The following SLC25A47 variants were observed in gnomAD, a reference collection of about 807,000 sequenced individuals.
The protein encoded by SLC25A47 is HCC-down-regulated mitochondrial carrier protein.
A neutral mutation model predicts 29.8 loss-of-function variants in SLC25A47; 30 were observed. The observed-to-expected ratio is 1.01, with a 90% confidence interval of 0.75 to 1.36. SLC25A47 has a LOEUF of 1.36. Ranked by LOEUF, SLC25A47 falls within the 40% of genes most tolerant of loss-of-function variation. The pLI, the probability that SLC25A47 is intolerant of heterozygous loss-of-function variation, is 0.00. For synonymous variants in SLC25A47, 204 were observed against 197.8 expected (o/e 1.03, Z -0.26); for missense variants, 430 against 441.9 (o/e 0.97, Z 0.24).
chr14:100,325,750 C>G (rs1893326617), intron 1 of SLC25A47, 38 bp from the exon 2 acceptor site: 1 of 1,605,646 alleles, frequency 6.2e-7, no homozygotes, highest in Middle Eastern at 1.7e-4. Context: ...GCTCGCCGGC[C>G]CCACTCTCCT....
At chr14:100,327,774 GCATGGAGCACCTGCGGTGC>G (rs1893368346) in intron 4 of SLC25A47, among the ~76,000 whole-genome samples, 1 of 152,230 alleles carries the variant, frequency 6.6e-6, no homozygotes, top group Admixed American at 6.5e-5. Flanking sequence ...CCTCAACTGT[GCATGGAGCACCTGCGGTGC>G]CCGCCTGCCC....
chr14:100,328,687 G>T (rs1170931144), intron 4 of SLC25A47, 39 bp from the exon 5 acceptor site: 1 of 1,601,320 alleles, frequency 6.2e-7, no homozygotes, highest in Non-Finnish European at 8.5e-7. Flanking sequence ...TGTGGGCAGA[G>T]CCACAGGTGG....
chr14:100,326,335 C>A, intron 3 of SLC25A47, 107 bp downstream of exon 3: 1 of 958,160 alleles, frequency 1.0e-6, no homozygotes, highest in South Asian at 1.4e-5. Flanking sequence ...TCAGCTCTCT[C>A]ACCTTCCACA....
intron 4 of SLC25A47, among the ~76,000 whole-genome samples, chr14:100,328,112 A>ATTT (rs33989395): frequency 0.016 from 2,202 of 140,870 alleles, 68 homozygotes; most frequent in African/African-American, 0.053. Flanking sequence ...ATGTCTAGTG[A>ATTT]TTTTTTTTTT....
At chr14:100,323,916 G>A (rs1020274977) in intron 1 of SLC25A47, among the ~76,000 whole-genome samples, 2 of 152,166 alleles carry the variant, frequency 1.3e-5, no homozygotes, top group African/African-American at 2.4e-5. Context: ...GCCCTGCTGG[G>A]TGTGTGCACC....
In SLC25A47 at chr14:100,326,184, A is replaced by G. The variant is rs146337643; in HGVS notation, c.100A>G (p.Thr34Ala). The G allele has an allele frequency of 3.2e-5, 52 of 1,613,622 alleles. No homozygotes were observed. Among genetic ancestry groups the G allele is most frequent in the Admixed American group, 1.7e-5 (1 of 59,974 alleles). ...CAGGATCCAGACGGAGCCAAAGTAC[A>G]CAGGCATCTGGCACTGCGTCCGGGA... ...KVRIQTEPKY[T>A]GIWHCVRDTY... The change falls in exon 3 of 6, where the codon ACA (threonine) becomes GCA (alanine). Residue 34 changes from threonine to alanine, a missense_variant. Coordinates refer to ENST00000361529, the MANE Select transcript of SLC25A47 (RefSeq NM_207117.4).
chr14:100,327,239 G>A lies in SLC25A47; in HGVS notation c.196G>A (p.Val66Ile). ...GCTGCCCGTGTGCACGGTGTCCCTG[G>A]TATCTTCCGTGTCTTTTGGCACCTA... Reference protein sequence around the residue: ...LSLPVCTVSLVSSVSFGTYRH... With the variant: ...LSLPVCTVSLISSVSFGTYRH... The change falls in exon 4 of 6, where the codon GTA (valine) becomes ATA (isoleucine). Residue 66 changes from valine (V) to isoleucine (I), a missense_variant. Transcript: ENST00000361529. 6.2e-7 allele frequency: 1 copy of A among 1,609,510 alleles called. No individual in the cohort carries two copies. The highest frequency in any genetic ancestry group is 8.5e-7 in the Non-Finnish European group (1 of 1,179,932).
rs749277097 is a variant in SLC25A47, at chr14:100,327,229, G to A, written c.186G>A (p.Thr62=). The change falls in exon 4 of 6, where the codon ACG becomes ACA. Residue 62 remains threonine (T), a synonymous_variant. Coordinates refer to ENST00000361529, the MANE Select transcript of SLC25A47 (RefSeq NM_207117.4). The part of the protein sequence containing the change: ...FYRGLSLPVC[T]VSLVSSVSFG... ...GGGGCCTCTCGCTGCCCGTGTGCAC[G>A]GTGTCCCTGGTATCTTCCGTGTCTT... The A allele has an allele frequency of 2.1e-5, 34 of 1,609,608 alleles. No homozygotes were observed. The highest frequency in any genetic ancestry group is 1.7e-4 in the Middle Eastern group (1 of 6,060).
chr14:100,330,271 G>A lies in SLC25A47; in HGVS notation c.*626G>A, dbSNP rs1277733191. ...CGGCCGGTTAGGGAATTTGGGGTGA[G>A]GTTCCTCAGGAGCCCTCACTCTGCC... On this transcript the variant is annotated 3_prime_UTR_variant, in exon 6 of 6. Transcript: ENST00000361529. 6.5e-6 allele frequency: 1 copy of A among 154,564 alleles called. No individual in the cohort carries two copies. Among genetic ancestry groups the A allele is most frequent in the African/African-American group, 2.4e-5 (1 of 41,474 alleles). The allele number at this position is 154,564 out of a possible 1,614,324, so 9.6% of individuals were successfully genotyped here.
intron 2 of SLC25A47, 132 bp from the exon 3 acceptor site, chr14:100,326,025 T>C: frequency 1.0e-6 from 1 of 965,428 alleles, no homozygotes; most frequent in East Asian, 2.6e-5. Context: ...AACACAAGGC[T>C]CCCTGTCCCT....
intron 4 of SLC25A47, 82 bp downstream of exon 4, chr14:100,327,452 A>G: frequency 4.1e-6 from 6 of 1,450,232 alleles, no homozygotes; most frequent in Non-Finnish European, 4.6e-6. Flanking sequence ...AGGTGGGGAA[A>G]CTGAGGCTTG....
Position 100,327,266 on chromosome 14 carries a change from CG to C in SLC25A47, c.224del (p.Arg75ProfsTer38). The stretch of plus-strand genomic sequence containing the variant: ...ATCTTCCGTGTCTTTTGGCACCTAC[CG>C]CCACTGCCTGGCGCACATCTGCCGG... ...LVSSVSFGTY[R>X]HCLAHICRLR... is the part of the protein sequence containing the mutation. On this transcript the variant is annotated frameshift_variant, in exon 4 of 6. Coordinates refer to ENST00000361529, the MANE Select transcript of SLC25A47 (RefSeq NM_207117.4). LOFTEE classifies it high-confidence loss of function. 6.2e-7 allele frequency: 1 copy of C among 1,608,070 alleles called. No individual in the cohort carries two copies. Among genetic ancestry groups the C allele is most frequent in the Non-Finnish European group, 8.5e-7 (1 of 1,179,964 alleles).
At chr14:100,328,681 G>A in intron 4 of SLC25A47, 45 bp from the exon 5 acceptor site, 1 of 1,591,264 alleles carries the variant, frequency 6.3e-7, no homozygotes, top group Non-Finnish European at 8.6e-7. Flanking sequence ...CCAGGCTGTG[G>A]GCAGAGCCAC....
rs113077591 is a variant in SLC25A47 at position 100,328,923 on chromosome 14, G to C, written c.525G>C (p.Leu175=). 1.9e-6 allele frequency: 3 copies of C among 1,608,552 alleles called. No individual in the cohort carries two copies. Among genetic ancestry groups the C allele is most frequent in the South Asian group, 1.1e-5 (1 of 91,088 alleles). Residue 175 remains leucine (L), a synonymous_variant, in exon 5 of 6, where the codon CTG becomes CTC. Transcript: ENST00000361529. ...CLATVAREEG[L]CGLYKGSSAL... ...CCACGGTAGCCCGTGAGGAGGGGCT[G>C]TGCGGCCTCTACAAGGGCAGCTCGG...
chr14:100,325,573 A>C (rs552948294), intron 1 of SLC25A47, among the ~76,000 whole-genome samples: 1 of 152,342 alleles, frequency 6.6e-6, no homozygotes, highest in African/African-American at 2.4e-5. Context: ...ACTTGCTTGC[A>C]AAGGGTAGAA....
chr14:100,328,979 C>A lies in SLC25A47; in HGVS notation c.581C>A (p.Ala194Asp). ...GTCTTACGGGACGGCCACTCCTTTG[C>A]CACCTACTTCCTTTCCTACGCGGTC... is the stretch of plus-strand genomic sequence containing the variant. ...ALVLRDGHSF[A>D]TYFLSYAVLC... The change falls in exon 5 of 6, where the codon GCC (alanine) becomes GAC (aspartate). Residue 194 changes from alanine (A) to aspartate (D), a missense_variant. Physicochemically the swap from Ala to Asp is moderately radical, Grantham distance 126. Transcript: ENST00000361529. 6.2e-7 allele frequency: 1 copy of A among 1,601,810 alleles called. No homozygotes were observed. The highest frequency in any genetic ancestry group is 1.1e-5 in the South Asian group (1 of 91,086).
intron 1 of SLC25A47, among the ~76,000 whole-genome samples, chr14:100,325,100 G>C (rs1893312817): frequency 6.6e-6 from 1 of 152,190 alleles, no homozygotes; most frequent in African/African-American, 2.4e-5. Context: ...CCCCTCAGGG[G>C]AGAGAATGGT....
Position 100,325,827 on chromosome 14 carries a change from T to C in SLC25A47, c.68T>C (p.Val23Ala). 1 of 1,612,282 alleles carries C rather than the reference T, an allele frequency of 6.2e-7. No homozygotes were observed. The highest frequency in any genetic ancestry group is 8.5e-7 in the Non-Finnish European group (1 of 1,179,160). Residue 23 changes from valine (V) to alanine (A), a missense_variant, in exon 2 of 6, where the codon GTG becomes GCG. Coordinates refer to ENST00000361529, the MANE Select transcript of SLC25A47 (RefSeq NM_207117.4). ...GCTGTGGGCTACCCCCTGGACACGG[T>C]GAAGGTGCGGCAATAGCCAGCCCCC... ...GVAVGYPLDT[V>A]KVRIQTEPKY...
rs1488118235 is a variant in SLC25A47 at position 100,327,312 on chromosome 14, A to G, written c.269A>G (p.Asp90Gly). 4 of 1,603,276 alleles carry G rather than the reference A, an allele frequency of 2.5e-6. No homozygotes were observed. Among genetic ancestry groups the G allele is most frequent in the Non-Finnish European group, 3.4e-6 (4 of 1,179,846 alleles). Residue 90 changes from aspartate to glycine, a missense_variant, in exon 4 of 6, where the codon GAC becomes GGC. Physicochemically the swap from Asp to Gly is moderately conservative, Grantham distance 94. Coordinates refer to ENST00000361529, the MANE Select transcript of SLC25A47 (RefSeq NM_207117.4). ...TGCCGGCTCCGGTACGGCAACCCTG[A>G]CGCCAAGCCCACCAAGGCCGACATC... ...HICRLRYGNP[D>G]AKPTKADITL...
Sources: gnomAD v4.1 joint callset for allele counts (sites outside exome capture counted in the v4.1 genomes callset) on GRCh38, gnomAD v4.1.1 for gene constraint, MANE v1.5 for transcripts, NCBI Gene and HGNC (gene_info 2026-07-23, HGNC 2026-07-21) for gene names.